ATP6V0A2: variants seen among roughly 807,000 people sequenced by gnomAD.
The protein encoded by ATP6V0A2 is ATPase H+ transporting V0 subunit a2.
In ATP6V0A2, 58 loss-of-function variants were observed where a neutral mutation model predicts 104.4. The observed-to-expected ratio is 0.56, with a 90% CI of 0.45 to 0.69. The LOEUF is 0.69. Ranked by LOEUF, ATP6V0A2 falls within the 30% of genes least tolerant of loss-of-function variation. The probability of loss-of-function intolerance (pLI) is 0.00; values close to 1 mark genes in which losing one functional copy is unlikely to be tolerated. For synonymous variants in ATP6V0A2, 376 were observed against 397.9 expected (o/e 0.95, Z 0.65); for missense variants, 938 against 1,062.9 (o/e 0.88, Z 1.63).
At chr12:123,751,528 C>T (rs1956714160) in intron 16 of ATP6V0A2, among the ~76,000 whole-genome samples, 1 of 152,164 alleles carries the variant, frequency 6.6e-6, no homozygotes, top group Admixed American at 6.5e-5. Context: ...GTGGTGTGCA[C>T]CTTTAGTCCC....
At chr12:123,757,474 AT>A (rs1956775971) in intron 19 of ATP6V0A2, among the ~76,000 whole-genome samples, 1 of 152,148 alleles carries the variant, frequency 6.6e-6, no homozygotes, top group African/African-American at 2.4e-5. Flanking sequence ...CTGAACTATT[AT>A]CACTGACAAG....
intron 4 of ATP6V0A2, among the ~76,000 whole-genome samples, chr12:123,725,223 C>T (rs57623425): frequency 0.052 from 7,966 of 152,100 alleles, 381 homozygotes; most frequent in African/African-American, 0.12. Context: ...AGTGAGCTAC[C>T]GCGCCCAGAT....
At chr12:123,735,915 A>G (rs1234793818) in intron 8 of ATP6V0A2, among the ~76,000 whole-genome samples, 2 of 152,122 alleles carry the variant, frequency 1.3e-5, no homozygotes, top group African/African-American at 4.8e-5. Flanking sequence ...TCTGTCGCCC[A>G]GGCTTGGAGT....
chr12:123,718,688 A>G lies in ATP6V0A2; in HGVS notation c.183A>G (p.Leu61=), dbSNP rs980637562. ...FVGEVKRCEE[L]ERILVYLVQE... is the part of the protein sequence containing the mutation. ...GTGAGGTGAAGAGGTGTGAAGAGCTAGAGCGAATATTGGGTAAGTTTATTT... is the reference window on the plus strand; with the variant it reads ...GTGAGGTGAAGAGGTGTGAAGAGCTGGAGCGAATATTGGGTAAGTTTATTT... The change falls in exon 2 of 20, where the codon CTA becomes CTG. Residue 61 remains leucine (L), a synonymous_variant. Coordinates refer to ENST00000330342, the MANE Select transcript of ATP6V0A2 (RefSeq NM_012463.4). The G allele has an allele frequency of 1.2e-6, 2 of 1,610,764 alleles. No homozygotes were observed. The highest frequency in any genetic ancestry group is 1.3e-5 in the African/African-American group (1 of 74,896).
rs1323414249 is a variant in ATP6V0A2 at position 123,718,611 on chromosome 12, T to C, written c.118-12T>C. Reference sequence around the variant, plus strand: ...TTAGAAATTTAAACCATATTTTTCATCCTTTTCTCAGCTCAACCAGAACGT... The same window carrying C: ...TTAGAAATTTAAACCATATTTTTCACCCTTTTCTCAGCTCAACCAGAACGT... On this transcript the variant is annotated splice_polypyrimidine_tract_variant and intron_variant, in intron 1 of 19. Coordinates refer to ENST00000330342, the MANE Select transcript of ATP6V0A2 (RefSeq NM_012463.4). 5.6e-6 allele frequency: 9 copies of C among 1,601,516 alleles called. No individual in the cohort carries two copies. The highest frequency in any genetic ancestry group is 7.7e-6 in the Non-Finnish European group (9 of 1,170,462).
chr12:123,758,213 A>G lies in ATP6V0A2; in HGVS notation c.*181A>G, dbSNP rs374235976. 4 of 469,776 alleles carry G rather than the reference A, an allele frequency of 8.5e-6. No individual in the cohort carries two copies. In the East Asian group the frequency reaches 1.4e-4, roughly 16 times the overall value. 29.1% of individuals were successfully genotyped at this position (469,776 alleles called of 1,614,324 possible). On this transcript the variant is annotated 3_prime_UTR_variant, in exon 20 of 20. Coordinates refer to ENST00000330342, the MANE Select transcript of ATP6V0A2 (RefSeq NM_012463.4). The stretch of plus-strand genomic sequence containing the variant: ...GTTAAATATTTTGTAAAGTTTACCA[A>G]TTTGAGATATAAAAATTTCTTTTGG...
chr12:123,724,639 A>G lies in ATP6V0A2; in HGVS notation c.295-15A>G, dbSNP rs778329530. The stretch of plus-strand genomic sequence containing the variant: ...CTAATTACTACCCTCTTAAGTAACC[A>G]TTGTTTTGTTTTAGGAGCAGTTGCA... On this transcript the variant is annotated splice_polypyrimidine_tract_variant and intron_variant, in intron 3 of 19. Transcript: ENST00000330342. 6.2e-7 allele frequency: 1 copy of G among 1,613,412 alleles called. No individual in the cohort carries two copies. Among genetic ancestry groups the G allele is most frequent in the Admixed American group, 1.7e-5 (1 of 60,000 alleles).
intron 6 of ATP6V0A2, chr12:123,730,932 C>T (rs2135894621): frequency 6.6e-6 from 1 of 152,192 alleles, no homozygotes; most frequent in East Asian, 1.9e-4. Flanking sequence ...GCCTTGAACT[C>T]CTGACCTCAA....
intron 8 of ATP6V0A2, among the ~76,000 whole-genome samples, chr12:123,736,114 C>G (rs1273883607): frequency 6.6e-6 from 1 of 151,784 alleles, no homozygotes; most frequent in African/African-American, 2.4e-5. Context: ...CTCAAATGAT[C>G]CGCCCACCTC....
At chr12:123,737,606 G>C in intron 9 of ATP6V0A2, 1 of 338,484 alleles carries the variant, frequency 3.0e-6, no homozygotes, top group South Asian at 2.6e-5. Context: ...CTGTATGTGA[G>C]TACATGTGTT....
intron 9 of ATP6V0A2, chr12:123,737,472 C>T (rs1238720742): frequency 2.4e-5 from 14 of 590,492 alleles, no homozygotes; most frequent in Non-Finnish European, 3.6e-5. Flanking sequence ...TGGTCTCAAA[C>T]TCCTGGCCCC....
At chr12:123,716,813 G>A (rs1212316939) in intron 1 of ATP6V0A2, among the ~76,000 whole-genome samples, 2 of 151,278 alleles carry the variant, frequency 1.3e-5, no homozygotes, top group Non-Finnish European at 2.9e-5. Context: ...AGAGTTTATA[G>A]AGTCATGCAT....
chr12:123,750,550 T>G (rs1042573902), intron 15 of ATP6V0A2: 11 of 192,756 alleles, frequency 5.7e-5, no homozygotes, highest in African/African-American at 2.6e-4. Context: ...TGGGAAGCCA[T>G]GCAGACTGCC....
intron 13 of ATP6V0A2, among the ~76,000 whole-genome samples, chr12:123,746,005 AAT>A (rs1271127789): frequency 2.6e-5 from 4 of 152,192 alleles, no homozygotes; most frequent in Non-Finnish European, 1.5e-5. Context: ...TCTTATCTCT[AAT>A]CATGATTGGT....
chr12:123,717,869 T>A (rs1269561664), intron 1 of ATP6V0A2, among the ~76,000 whole-genome samples: 1 of 152,174 alleles, frequency 6.6e-6, no homozygotes, highest in Non-Finnish European at 1.5e-5. Flanking sequence ...TTTCCATAGC[T>A]TTTTCCTTAG....
chr12:123,748,552 G>A, intron 14 of ATP6V0A2, 23 bp from the exon 15 acceptor site: 1 of 1,570,402 alleles, frequency 6.4e-7, no homozygotes, highest in Non-Finnish European at 8.8e-7. Flanking sequence ...TTCGTGGGTT[G>A]ATTGATTCCT....
chr12:123,739,927 A>C (rs1254178941), intron 9 of ATP6V0A2, among the ~76,000 whole-genome samples: 1 of 152,114 alleles, frequency 6.6e-6, no homozygotes, highest in East Asian at 1.9e-4. Context: ...TGTTTTGTCT[A>C]GAAAAATATC....
intron 4 of ATP6V0A2, among the ~76,000 whole-genome samples, chr12:123,725,183 C>T (rs1229712144): frequency 1.3e-5 from 2 of 152,176 alleles, no homozygotes; most frequent in African/African-American, 4.8e-5. Flanking sequence ...ATCCACCTTC[C>T]TCGGCCTTCC....
Position 123,743,729 on chromosome 12 carries a change from G to A in ATP6V0A2, c.1039-56G>A. 3 of 1,598,250 alleles carry A rather than the reference G, an allele frequency of 1.9e-6. No homozygotes were observed. The South Asian group carries it at 3.3e-5, about 18-fold the overall frequency. On this transcript the variant is annotated intron_variant, in intron 9 of 19. Coordinates refer to ENST00000330342, the MANE Select transcript of ATP6V0A2 (RefSeq NM_012463.4). ...CAGTAACCCAGATTCGTTGAATATGGATAGTTATTTTCTTCTTGGATAGTA... is the reference window on the plus strand; with the variant it reads ...CAGTAACCCAGATTCGTTGAATATGAATAGTTATTTTCTTCTTGGATAGTA...
Sources: gnomAD v4.1 joint callset for allele counts (sites outside exome capture counted in the v4.1 genomes callset) on GRCh38, gnomAD v4.1.1 for gene constraint, MANE v1.5 for transcripts, NCBI Gene and HGNC (gene_info 2026-07-23, HGNC 2026-07-21) for gene names.